C8orf34: variants seen among roughly 807,000 people sequenced by gnomAD.
C8orf34 encodes chromosome 8 open reading frame 34.
Under a neutral mutation model 68.3 loss-of-function variants are expected in C8orf34, and 65 were observed. The ratio of observed to expected loss-of-function variants is 0.95; its 90% CI spans 0.78 to 1.17. The LOEUF (loss-of-function observed/expected upper bound fraction) is 1.17. C8orf34 is among the 50% of genes most tolerant of loss of function. C8orf34 has a pLI of 0.00. For missense variants in C8orf34, 664 were observed against 655.4 expected (o/e 1.01, Z -0.14); for synonymous variants, 244 against 241.2 (o/e 1.01, Z -0.11).
chr8:68,384,367 G>T (rs1808166568), intron 1 of C8orf34, among the ~76,000 whole-genome samples: 1 of 152,190 alleles, frequency 6.6e-6, no homozygotes, highest in African/African-American at 2.4e-5. Context: ...TTGATTTGCT[G>T]TCTGGCCCAA....
intron 10 of C8orf34, among the ~76,000 whole-genome samples, chr8:68,726,478 G>A (rs549785893): frequency 2.0e-5 from 3 of 152,274 alleles, no homozygotes; most frequent in African/African-American, 7.2e-5. Flanking sequence ...TCTGTGACAA[G>A]CTTAATCCAA....
At chr8:68,686,784 G>C (rs933729047) in intron 8 of C8orf34, among the ~76,000 whole-genome samples, 1 of 152,082 alleles carries the variant, frequency 6.6e-6, no homozygotes, top group East Asian at 1.9e-4. Context: ...GGGCAATCAG[G>C]CAAGAGAAAG....
intron 7 of C8orf34, among the ~76,000 whole-genome samples, chr8:68,624,861 G>A (rs1012120919): frequency 7.9e-5 from 12 of 151,120 alleles, no homozygotes; most frequent in African/African-American, 7.3e-5. Context: ...TCAGCCTCCC[G>A]AGTAGTGGGG....
chr8:68,772,947 A>T (rs1248590750), intron 10 of C8orf34, among the ~76,000 whole-genome samples: 4 of 142,984 alleles, frequency 2.8e-5, no homozygotes, highest in Admixed American at 1.4e-4. Flanking sequence ...CCTCCTTCAC[A>T]TGCTCCTGTC....
intron 7 of C8orf34, among the ~76,000 whole-genome samples, chr8:68,593,590 G>A (rs942826401): frequency 5.3e-5 from 8 of 151,912 alleles, no homozygotes; most frequent in African/African-American, 1.7e-4. Flanking sequence ...CACTGGTGGT[G>A]TATATTTGCT....
At chr8:68,686,249 T>C (rs1820515722) in intron 8 of C8orf34, among the ~76,000 whole-genome samples, 1 of 151,966 alleles carries the variant, frequency 6.6e-6, no homozygotes, top group Non-Finnish European at 1.5e-5. Flanking sequence ...AACTTCCAGA[T>C]GATTGAGAGA....
chr8:68,373,394 C>T (rs1400677256), intron 1 of C8orf34, among the ~76,000 whole-genome samples: 1 of 152,204 alleles, frequency 6.6e-6, no homozygotes, highest in Admixed American at 6.5e-5. Context: ...CCAGCTCTCT[C>T]TACTCATAGG....
At chr8:68,763,569 A>C (rs561428942) in intron 10 of C8orf34, among the ~76,000 whole-genome samples, 4 of 152,082 alleles carry the variant, frequency 2.6e-5, no homozygotes, top group African/African-American at 7.2e-5. Context: ...TTCATACTCA[A>C]TTTCCTGTTG....
At chr8:68,778,312 A>G (rs951483099) in intron 11 of C8orf34, among the ~76,000 whole-genome samples, 2 of 152,200 alleles carry the variant, frequency 1.3e-5, no homozygotes, top group Non-Finnish European at 2.9e-5. Flanking sequence ...AAACTGAACT[A>G]GCAAACATTT....
At chr8:68,649,725 A>G (rs1819286921) in intron 8 of C8orf34, among the ~76,000 whole-genome samples, 2 of 152,178 alleles carry the variant, frequency 1.3e-5, no homozygotes, top group Admixed American at 1.3e-4. Context: ...TTTTATGCAT[A>G]TGTGTGCACA....
chr8:68,640,620 C>A, intron 8 of C8orf34, 109 bp downstream of exon 8: 1 of 1,146,938 alleles, frequency 8.7e-7, no homozygotes, highest in Non-Finnish European at 1.2e-6. Flanking sequence ...CTTTTCCTTC[C>A]AGCGATCTTT....
At chr8:68,592,593 C>CTTTTTTTTTTTTTTTTTTTTT (rs1444802100) in intron 7 of C8orf34, among the ~76,000 whole-genome samples, 1 of 116,802 alleles carries the variant, frequency 8.6e-6, no homozygotes. Context: ...CAATTTATCT[C>CTTTTTTTTTTTTTTTTTTTTT]TTCTTTTTTT....
chr8:68,355,622 A>T lies in C8orf34; in HGVS notation c.327+24283A>T, dbSNP rs114876647. Reference sequence around the variant, plus strand: ...TGCCTTCTGGTATCCTGAGATTAGAACTCAGAGTGTGCATCTGTTCTTTTA... The same window carrying T: ...TGCCTTCTGGTATCCTGAGATTAGATCTCAGAGTGTGCATCTGTTCTTTTA... On this transcript the variant is annotated intron_variant, in intron 1 of 13. Transcript: ENST00000518698. Among the ~76,000 whole-genome samples, 882 of 152,190 alleles carry T rather than the reference A, an allele frequency of 5.8e-3. 10 individuals carry two copies. Among genetic ancestry groups the T allele is most frequent in the African/African-American group, 0.02 (845 of 41,520 alleles).
At chr8:68,582,026 T>G (rs763394550) in intron 7 of C8orf34, among the ~76,000 whole-genome samples, 5 of 152,100 alleles carry the variant, frequency 3.3e-5, no homozygotes, top group Non-Finnish European at 7.4e-5. Context: ...GGTGGAAAGG[T>G]TGTGATACCT....
At position 68,685,460 on chromosome 8, in the gene C8orf34, C is replaced by T. The variant is rs181068298; in HGVS notation, c.1242-23534C>T. ...CATAATCAATTCAGTTAAAATTGTC[C>T]GTGTATAAATCCTGCCAAATTGATC... On this transcript the variant is annotated intron_variant, in intron 8 of 13. Transcript: ENST00000518698. 8.8e-3 allele frequency among the ~76,000 whole-genome samples: 1,333 copies of T among 152,126 alleles called. 11 individuals carry two copies. Among genetic ancestry groups the T allele is most frequent in the Middle Eastern group, 0.024 (7 of 292 alleles).
intron 1 of C8orf34, among the ~76,000 whole-genome samples, chr8:68,351,364 C>A (rs1806506199): frequency 2.6e-5 from 4 of 151,870 alleles, no homozygotes; most frequent in Admixed American, 2.6e-4. Context: ...ATGTGAACTG[C>A]CTTTTCTCTC....
chr8:68,394,088 T>TTTTTTA (rs1808586415), intron 1 of C8orf34, among the ~76,000 whole-genome samples: 1 of 47,826 alleles, frequency 2.1e-5, no homozygotes, highest in Non-Finnish European at 5.5e-5. Context: ...AGGCATGCCA[T>TTTTTTA]TTTTTTTTTA....
intron 10 of C8orf34, among the ~76,000 whole-genome samples, chr8:68,734,323 G>A (rs2129526970): frequency 6.6e-6 from 1 of 152,134 alleles, no homozygotes; most frequent in East Asian, 1.9e-4. Flanking sequence ...GCAGACAGTA[G>A]GGAGACCTTG....
chr8:68,520,408 C>G (rs1163958724), intron 5 of C8orf34, among the ~76,000 whole-genome samples: 1 of 151,986 alleles, frequency 6.6e-6, no homozygotes, highest in Non-Finnish European at 1.5e-5. Context: ...GTTGTGAAGT[C>G]TGAAGACTCA....
Sources: allele counts gnomAD v4.1 joint callset (sites outside exome capture counted in the v4.1 genomes callset), GRCh38; gene constraint gnomAD v4.1.1; transcripts MANE v1.5; gene names NCBI Gene and HGNC (gene_info 2026-07-23, HGNC 2026-07-21).